The following XRN1 variants were observed in gnomAD, a reference collection of about 807,000 sequenced individuals.
XRN1 encodes 5'-3' exoribonuclease 1, also known as strand-exchange protein 1 homolog.
XRN1 carries 67 observed loss-of-function variants against 222.3 expected under a neutral mutation model. The ratio of observed to expected loss-of-function variants is 0.30; its 90% CI spans 0.25 to 0.37. The LOEUF is 0.37. Among genes scored for constraint, XRN1 ranks in the 10% least tolerant of loss-of-function variants. The probability of loss-of-function intolerance (pLI) is 1.00; values close to 1 mark genes in which losing one functional copy is unlikely to be tolerated. For missense variants in XRN1, 1,707 were observed against 2,000.2 expected (o/e 0.85, Z 2.80); for synonymous variants, 643 against 652.4 (o/e 0.99, Z 0.22).
chr3:142,360,041 T>C lies in XRN1; in HGVS notation c.3395-110A>G. ...ATTTATTATAAAATTCTAGATATGA[T>C]ATAAAATATTCAGGATATGAACAAT... On this transcript the variant is annotated intron_variant, in intron 29 of 40. Transcript: ENST00000392981. 4 of 609,886 alleles carry C rather than the reference T, an allele frequency of 6.6e-6. No homozygotes were observed. In the South Asian group the frequency reaches 8.0e-5, roughly 12 times the overall value. The allele number at this position is 609,886 out of a possible 1,614,324, so 37.8% of individuals were successfully genotyped here.
At chr3:142,313,272 G>A in intron 39 of XRN1, 2 of 1,361,104 alleles carry the variant, frequency 1.5e-6, no homozygotes, top group Non-Finnish European at 2.0e-6. Context: ...TGAAGTCAAG[G>A]CCTTTTTTCA....
intron 1 of XRN1, among the ~76,000 whole-genome samples, chr3:142,443,803 A>T (rs1367735708): frequency 6.6e-6 from 1 of 152,264 alleles, no homozygotes; most frequent in Admixed American, 6.5e-5. Flanking sequence ...TGTACTGTTC[A>T]CAATAGCCAA....
chr3:142,338,827 T>G (rs564895076), intron 33 of XRN1, among the ~76,000 whole-genome samples: 1 of 152,190 alleles, frequency 6.6e-6, no homozygotes, highest in East Asian at 1.9e-4. Context: ...CCCATGGGCG[T>G]GTGGTTGGTG....
intron 32 of XRN1, 117 bp from the exon 33 acceptor site, chr3:142,347,459 T>A: frequency 3.1e-6 from 2 of 654,730 alleles, no homozygotes; most frequent in Non-Finnish European, 4.7e-6. Flanking sequence ...GAAAAAAACT[T>A]AATACAGAAA....
chr3:142,339,389 T>A lies in XRN1; in HGVS notation c.3878-3880A>T, dbSNP rs111414326. ...TTATTGGTCTAGGTGTGCTCCTTAATGCAGATGTGGCTTAGATCACAAAAT... is the reference window on the plus strand; with the variant it reads ...TTATTGGTCTAGGTGTGCTCCTTAAAGCAGATGTGGCTTAGATCACAAAAT... On this transcript the variant is annotated intron_variant, in intron 33 of 40. Transcript: ENST00000392981. Among the ~76,000 whole-genome samples, 5 of 152,254 alleles carry A rather than the reference T, an allele frequency of 3.3e-5. 1 individual carries two copies. The highest frequency in any genetic ancestry group is 1.2e-4 in the African/African-American group (5 of 41,542).
At chr3:142,335,797 C>G (rs2065837436) in intron 33 of XRN1, among the ~76,000 whole-genome samples, 1 of 152,010 alleles carries the variant, frequency 6.6e-6, no homozygotes, top group Non-Finnish European at 1.5e-5. Context: ...GGAAAAAAGA[C>G]ATGGAAGCAG....
At chr3:142,434,510 C>CTT (rs371969192) in intron 1 of XRN1, among the ~76,000 whole-genome samples, 168 of 130,642 alleles carry the variant, frequency 1.3e-3, no homozygotes, top group Non-Finnish European at 2.2e-3. Context: ...TTTTTTTACA[C>CTT]TTTTTTTTTT....
At chr3:142,429,340 G>T (rs146464830) in intron 2 of XRN1, among the ~76,000 whole-genome samples, 2,558 of 151,926 alleles carry the variant, frequency 0.017, 76 homozygotes, top group African/African-American at 0.059. Flanking sequence ...AGTAGAGACG[G>T]GGTTTCACCA....
At chr3:142,411,120 A>G (rs1178438241) in intron 15 of XRN1, among the ~76,000 whole-genome samples, 1 of 152,200 alleles carries the variant, frequency 6.6e-6, no homozygotes, top group Non-Finnish European at 1.5e-5. Context: ...ATTTGTTGAC[A>G]TAAAGTTTGA....
intron 22 of XRN1, 80 bp downstream of exon 22, chr3:142,383,220 A>G: frequency 9.1e-7 from 1 of 1,099,390 alleles, no homozygotes; most frequent in Admixed American, 2.3e-5. Context: ...TTATATTTTA[A>G]TTTAAACCTA....
At chr3:142,320,080 G>A (rs1036729069) in intron 37 of XRN1, among the ~76,000 whole-genome samples, 8 of 151,986 alleles carry the variant, frequency 5.3e-5, no homozygotes, top group Non-Finnish European at 1.0e-4. Context: ...CTTTTCCTGG[G>A]GTAGATACCC....
chr3:142,386,980 G>A (rs2067527269), intron 20 of XRN1, among the ~76,000 whole-genome samples: 1 of 152,106 alleles, frequency 6.6e-6, no homozygotes, highest in Non-Finnish European at 1.5e-5. Flanking sequence ...TCTACTCTTA[G>A]ATATATACCC....
rs1055745083 is a variant in XRN1, at chr3:142,342,960, G to T, written c.3877+4274C>A. On this transcript the variant is annotated intron_variant, in intron 33 of 40. Coordinates refer to ENST00000392981, the MANE Select transcript of XRN1 (RefSeq NM_001282857.2). ...GTTAAAAAACTTCTACACAGCAAAGGAAACAATCAACAACATGAAGAGACA... is the reference window on the plus strand; with the variant it reads ...GTTAAAAAACTTCTACACAGCAAAGTAAACAATCAACAACATGAAGAGACA... 2.6e-5 allele frequency among the ~76,000 whole-genome samples: 4 copies of T among 151,794 alleles called. No homozygotes were observed. The East Asian group carries it at 7.7e-4, about 29-fold the overall frequency.
chr3:142,385,728 T>G (rs906122832), intron 20 of XRN1, among the ~76,000 whole-genome samples: 11 of 152,110 alleles, frequency 7.2e-5, no homozygotes, highest in African/African-American at 1.4e-4. Context: ...CTTTCCATTT[T>G]CTCTTTCTAG....
intron 21 of XRN1, among the ~76,000 whole-genome samples, chr3:142,383,873 C>A (rs2067392414): frequency 6.6e-6 from 1 of 151,908 alleles, no homozygotes; most frequent in Non-Finnish European, 1.5e-5. Flanking sequence ...ATGCCTTTTA[C>A]ATTTATAAGA....
chr3:142,393,598 CTTGT>C (rs1340704729), intron 20 of XRN1, among the ~76,000 whole-genome samples: 2 of 151,904 alleles, frequency 1.3e-5, no homozygotes, highest in Non-Finnish European at 2.9e-5. Context: ...TTCCCCATTG[CTTGT>C]TTTTCTCAGG....
rs2070608055 is a variant in XRN1, at chr3:142,448,004, C to T, written c.-60G>A. ...ACCGAAACCAAACGCCCCGCCGGGG[C>T]TCCGCCGCAGCCTCCGGTCGTCGCT... On this transcript the variant is annotated 5_prime_UTR_variant, in exon 1 of 41. Coordinates refer to ENST00000392981, the MANE Select transcript of XRN1 (RefSeq NM_001282857.2). 3 of 1,569,892 alleles carry T rather than the reference C, an allele frequency of 1.9e-6. No individual in the cohort carries two copies. Among genetic ancestry groups the T allele is most frequent in the Admixed American group, 3.4e-5 (2 of 59,200 alleles).
At chr3:142,407,976 T>G (rs566463065) in intron 15 of XRN1, among the ~76,000 whole-genome samples, 65 of 152,372 alleles carry the variant, frequency 4.3e-4, no homozygotes, top group African/African-American at 1.5e-3. Context: ...TTTCATTAAC[T>G]TCTGCTCATC....
chr3:142,422,381 G>A (rs2069072020), intron 8 of XRN1, among the ~76,000 whole-genome samples: 1 of 152,082 alleles, frequency 6.6e-6, no homozygotes, highest in African/African-American at 2.4e-5. Context: ...CAATAATTGA[G>A]GTTCGTTAAC....
Sources: allele counts gnomAD v4.1 joint callset (sites outside exome capture counted in the v4.1 genomes callset), GRCh38; gene constraint gnomAD v4.1.1; transcripts MANE v1.5; gene names NCBI Gene and HGNC (gene_info 2026-07-23, HGNC 2026-07-21).